Variants in VTI1A observed in about 807,000 individuals in gnomAD.
VTI1A encodes vesicle transport through interaction with t-SNAREs homolog 1A.
A neutral mutation model predicts 34.9 loss-of-function variants in VTI1A; 22 were observed. That is an observed-to-expected ratio of 0.63 (90% CI 0.45 to 0.90). VTI1A has a LOEUF of 0.90. VTI1A is among the 40% of genes least tolerant of loss of function. The pLI is 0.00. For synonymous variants in VTI1A, 87 were observed against 97.3 expected (o/e 0.89, Z 0.62); for missense variants, 268 against 275.6 (o/e 0.97, Z 0.20).
intron 7 of VTI1A, among the ~76,000 whole-genome samples, chr10:112,756,610 G>A (rs916329750): frequency 6.6e-6 from 1 of 152,072 alleles, no homozygotes; most frequent in African/African-American, 2.4e-5. Flanking sequence ...TGCCCTCTAG[G>A]TACTGTTAGC....
chr10:112,724,810 CAA>C (rs1040315516), intron 7 of VTI1A, among the ~76,000 whole-genome samples: 3 of 145,282 alleles, frequency 2.1e-5, no homozygotes, highest in African/African-American at 7.6e-5. Flanking sequence ...GAAAAAAAAA[CAA>C]AAACCTTTTT....
intron 7 of VTI1A, among the ~76,000 whole-genome samples, chr10:112,810,167 C>T (rs1033063925): frequency 6.6e-6 from 1 of 151,964 alleles, no homozygotes; most frequent in Non-Finnish European, 1.5e-5. Flanking sequence ...CTTTGGGAGG[C>T]CAAGATGGGC....
the VTI1A span, chr10:112,825,458 C>T: frequency 6.6e-6 from 1 of 152,256 alleles, no homozygotes; most frequent in Non-Finnish European, 1.5e-5. Context: ...TCTAGCCCCC[C>T]CCAGATCCAG....
chr10:112,744,721 A>G (rs920998021), intron 7 of VTI1A, among the ~76,000 whole-genome samples: 3 of 152,218 alleles, frequency 2.0e-5, no homozygotes, highest in African/African-American at 7.2e-5. Flanking sequence ...CTGGGATTAC[A>G]GGCATGAGCC....
At chr10:112,682,252 A>G (rs1316003934) in intron 7 of VTI1A, among the ~76,000 whole-genome samples, 2 of 152,172 alleles carry the variant, frequency 1.3e-5, no homozygotes, top group Non-Finnish European at 2.9e-5. Flanking sequence ...AAGCTTTTCA[A>G]ATATACAGTT....
chr10:112,463,078 C>T (rs1303859608), intron 2 of VTI1A, among the ~76,000 whole-genome samples: 1 of 152,168 alleles, frequency 6.6e-6, no homozygotes, highest in Non-Finnish European at 1.5e-5. Context: ...GCACCCGCCA[C>T]CACACCCAGC....
chr10:112,523,722 T>G (rs1850115370), intron 3 of VTI1A, among the ~76,000 whole-genome samples: 1 of 152,124 alleles, frequency 6.6e-6, no homozygotes, highest in Non-Finnish European at 1.5e-5. Context: ...CAGTAGACAG[T>G]GGTAACTGAC....
chr10:112,713,557 G>C (rs528004225), intron 7 of VTI1A, among the ~76,000 whole-genome samples: 1 of 152,184 alleles, frequency 6.6e-6, no homozygotes, highest in African/African-American at 2.4e-5. Flanking sequence ...CTCAGAGCCA[G>C]GATTGCAGCA....
At chr10:112,548,696 G>A in intron 5 of VTI1A, 1 of 1,279,298 alleles carries the variant, frequency 7.8e-7, no homozygotes, top group East Asian at 2.3e-5. Flanking sequence ...CTTGTCCACT[G>A]CTTTGATGAC....
intron 7 of VTI1A, among the ~76,000 whole-genome samples, chr10:112,774,383 C>T (rs140045299): frequency 2.6e-5 from 4 of 152,288 alleles, no homozygotes; most frequent in Admixed American, 6.5e-5. Context: ...CTGCCTCTGC[C>T]ATTGACCATC....
At chr10:112,797,211 T>C (rs1852703537) in intron 7 of VTI1A, among the ~76,000 whole-genome samples, 1 of 152,206 alleles carries the variant, frequency 6.6e-6, no homozygotes, top group Non-Finnish European at 1.5e-5. Context: ...GAGTAGGTTC[T>C]TTTAGTGCCA....
intron 7 of VTI1A, among the ~76,000 whole-genome samples, chr10:112,810,566 A>G (rs1408678437): frequency 6.6e-6 from 1 of 152,152 alleles, no homozygotes; most frequent in African/African-American, 2.4e-5. Context: ...CAAACTGTCC[A>G]GGTGACCCCG....
At chr10:112,635,456 C>T (rs1470177552) in intron 5 of VTI1A, among the ~76,000 whole-genome samples, 1 of 151,996 alleles carries the variant, frequency 6.6e-6, no homozygotes, top group African/African-American at 2.4e-5. Flanking sequence ...GAGAGAGAAG[C>T]CTGAAAGAGT....
At chr10:112,725,356 C>T (rs1162987846) in intron 7 of VTI1A, among the ~76,000 whole-genome samples, 1 of 152,158 alleles carries the variant, frequency 6.6e-6, no homozygotes, top group Non-Finnish European at 1.5e-5. Context: ...TATATTTCCT[C>T]TGTACTTTCT....
intron 1 of VTI1A, among the ~76,000 whole-genome samples, chr10:112,460,130 T>A (rs1440688785): frequency 1.3e-5 from 2 of 152,226 alleles, no homozygotes; most frequent in African/African-American, 4.8e-5. Context: ...AGGAAGTGTT[T>A]TTGTATATAA....
At chr10:112,587,689 G>A (rs1844214317) in intron 5 of VTI1A, among the ~76,000 whole-genome samples, 1 of 151,970 alleles carries the variant, frequency 6.6e-6, no homozygotes, top group Non-Finnish European at 1.5e-5. Context: ...ATATTAATTA[G>A]CAAATGTACA....
At chr10:112,642,413 C>T (rs141409078) in intron 5 of VTI1A, among the ~76,000 whole-genome samples, 69 of 152,180 alleles carry the variant, frequency 4.5e-4, no homozygotes, top group African/African-American at 1.4e-3. Flanking sequence ...CAGTTGCTGA[C>T]GGGTTAGTAA....
At chr10:112,673,259 C>G (rs939968063) in intron 7 of VTI1A, among the ~76,000 whole-genome samples, 1 of 149,242 alleles carries the variant, frequency 6.7e-6, no homozygotes, top group African/African-American at 2.5e-5. Flanking sequence ...AAGGTTGCAG[C>G]GAGCCGAGGT....
intron 7 of VTI1A, among the ~76,000 whole-genome samples, chr10:112,691,201 C>T (rs545854349): frequency 4.6e-5 from 7 of 151,890 alleles, no homozygotes; most frequent in African/African-American, 1.7e-4. Flanking sequence ...GTGTAGGTTG[C>T]AGTGAGCCAA....
Sources: gnomAD v4.1 joint callset for allele counts (sites outside exome capture counted in the v4.1 genomes callset) on GRCh38, gnomAD v4.1.1 for gene constraint, MANE v1.5 for transcripts, NCBI Gene and HGNC (gene_info 2026-07-23, HGNC 2026-07-21) for gene names.